SLC1A4: variants seen among roughly 807,000 people sequenced by gnomAD.
The protein encoded by SLC1A4 is solute carrier family 1 member 4.
Under a neutral mutation model 37.7 loss-of-function variants are expected in SLC1A4, and 19 were observed. The ratio of observed to expected loss-of-function variants is 0.50; its 90% CI spans 0.35 to 0.74. SLC1A4 has a LOEUF of 0.74. Ranked by LOEUF, SLC1A4 falls within the 30% of genes least tolerant of loss-of-function variation. The pLI is 0.01. For synonymous variants in SLC1A4, 299 were observed against 309.8 expected, an observed-to-expected ratio of 0.97 and a Z score of 0.37; for missense variants, 570 against 712.9, an observed-to-expected ratio of 0.80 and a Z score of 2.28.
intron 3 of SLC1A4, 24 bp from the exon 4 acceptor site, chr2:65,010,573 G>T: frequency 6.3e-7 from 1 of 1,579,578 alleles, no homozygotes; most frequent in Non-Finnish European, 8.6e-7. Context: ...TTGTAAACTT[G>T]TTCTATCCTC....
intron 1 of SLC1A4, among the ~76,000 whole-genome samples, chr2:64,996,831 T>C (rs1290180928): frequency 6.6e-6 from 1 of 152,162 alleles, no homozygotes; most frequent in East Asian, 1.9e-4. Context: ...TCCAGCTCAC[T>C]GTCTCTGATT....
intron 1 of SLC1A4, among the ~76,000 whole-genome samples, chr2:64,995,888 T>G (rs903502823): frequency 2.6e-5 from 4 of 152,178 alleles, no homozygotes; most frequent in African/African-American, 9.7e-5. Context: ...GAACAAACAG[T>G]ATCAGATGTT....
At chr2:65,009,150 G>A (rs539805141) in intron 3 of SLC1A4, among the ~76,000 whole-genome samples, 19 of 152,202 alleles carry the variant, frequency 1.2e-4, no homozygotes, top group African/African-American at 3.9e-4. Context: ...ACCTGAGGTC[G>A]GGAGTTCCAG....
intron 3 of SLC1A4, among the ~76,000 whole-genome samples, chr2:65,007,188 A>G (rs1673708386): frequency 6.6e-6 from 1 of 152,230 alleles, no homozygotes; most frequent in South Asian, 2.1e-4. Context: ...GGAGGGAATC[A>G]TGTAATAAAT....
At position 65,021,171 on chromosome 2, in the gene SLC1A4, G is replaced by A; in HGVS notation, c.*25G>A. ...ATGGGGCTGGGCTTTGGGCTTGCCT[G>A]CCAGCAGTGATGTCCCACCCTGTTC... On this transcript the variant is annotated 3_prime_UTR_variant, in exon 8 of 8. Transcript: ENST00000234256. 1 of 1,584,462 alleles carries A rather than the reference G, an allele frequency of 6.3e-7. No homozygotes were observed. Among genetic ancestry groups the A allele is most frequent in the South Asian group, 1.1e-5 (1 of 90,090 alleles).
rs531250194 is a variant in SLC1A4, at chr2:65,019,250, G to C, written c.1364+571G>C. 4.9e-4 allele frequency among the ~76,000 whole-genome samples: 74 copies of C among 152,300 alleles called. 1 individual carries two copies. The highest frequency in any genetic ancestry group is 1.6e-3 in the African/African-American group (66 of 41,570). ...TTGAGTCACATGATACCTTTTGCAGGCATGAATAATATCTATTTTATAGGG... is the reference window on the plus strand; with the variant it reads ...TTGAGTCACATGATACCTTTTGCAGCCATGAATAATATCTATTTTATAGGG... On this transcript the variant is annotated intron_variant, in intron 7 of 7. Transcript: ENST00000234256.
Position 64,989,788 on chromosome 2 carries a change from G to A in SLC1A4, c.145G>A (p.Val49Met). ...LRRQALVLLT[V>M]SGVLAGAGLG... ...GCGCCAAGCGCTGGTGCTGCTCACC[G>A]TGTCCGGGGTGCTGGCGGGCGCGGG... Residue 49 changes from valine to methionine, a missense_variant, in exon 1 of 8, where the codon GTG (valine) becomes ATG (methionine). Val to Met is a conservative substitution (Grantham distance 21). Coordinates refer to ENST00000234256, the MANE Select transcript of SLC1A4 (RefSeq NM_003038.5). The A allele has an allele frequency of 1.3e-6, 2 of 1,506,458 alleles. No individual in the cohort carries two copies. The highest frequency in any genetic ancestry group is 2.6e-5 in the East Asian group (1 of 38,856). 93.3% of individuals were successfully genotyped at this position (1,506,458 alleles called of 1,614,324 possible).
chr2:65,018,705 A>G lies in SLC1A4; in HGVS notation c.1364+26A>G, dbSNP rs1335993315. On this transcript the variant is annotated intron_variant, in intron 7 of 7. Coordinates refer to ENST00000234256, the MANE Select transcript of SLC1A4 (RefSeq NM_003038.5). This position sits in a 1 kb window ranked among gnomAD's most constrained non-coding sequence, Gnocchi z 4.3. The stretch of plus-strand genomic sequence containing the variant: ...GTAAGTAACAAGTCCTGAGAACACC[A>G]AAAAGAGTCTGCACTGAGTTCCCTA... 3 of 1,613,246 alleles carry G rather than the reference A, an allele frequency of 1.9e-6. No homozygotes were observed. Among genetic ancestry groups the G allele is most frequent in the Non-Finnish European group, 2.5e-6 (3 of 1,179,630 alleles).
chr2:65,009,160 G>C (rs1198090678), intron 3 of SLC1A4, among the ~76,000 whole-genome samples: 1 of 152,188 alleles, frequency 6.6e-6, no homozygotes, highest in African/African-American at 2.4e-5. Flanking sequence ...GGGAGTTCCA[G>C]ACCAGCCTGA....
intron 3 of SLC1A4, among the ~76,000 whole-genome samples, chr2:65,007,792 G>A (rs927183872): frequency 3.3e-5 from 5 of 152,186 alleles, no homozygotes; most frequent in South Asian, 2.1e-4. Context: ...AGTGTACTTG[G>A]GATGTCCATC....
rs1024959952 is a variant in SLC1A4, at chr2:64,989,410, G to A, written c.-234G>A. 9 of 379,598 alleles carry A rather than the reference G, an allele frequency of 2.4e-5. No homozygotes were observed. Among genetic ancestry groups the A allele is most frequent in the Non-Finnish European group, 3.7e-5 (8 of 214,974 alleles). The allele number at this position is 379,598 out of a possible 1,614,324, so 23.5% of individuals were successfully genotyped here. A position where few individuals can be genotyped will look rare whatever the true frequency, so the allele number is the denominator to read the frequency against. The stretch of plus-strand genomic sequence containing the variant: ...CTCCCGTTTGCATCATCTCCAGCCG[G>A]CGGCTGCTCCAGGGAGGCTGGGCGC... On this transcript the variant is annotated 5_prime_UTR_variant, in exon 1 of 8. Coordinates refer to ENST00000234256, the MANE Select transcript of SLC1A4 (RefSeq NM_003038.5).
At chr2:65,013,742 T>C (rs1344596599) in intron 4 of SLC1A4, among the ~76,000 whole-genome samples, 1 of 152,186 alleles carries the variant, frequency 6.6e-6, no homozygotes, top group African/African-American at 2.4e-5. Flanking sequence ...ATTGTCAGTA[T>C]TACCGCTTTC....
intron 3 of SLC1A4, among the ~76,000 whole-genome samples, chr2:65,008,872 C>G (rs986658419): frequency 6.6e-6 from 1 of 152,140 alleles, no homozygotes. Flanking sequence ...GTGACTATCT[C>G]CATTTTATAA....
At chr2:65,020,561 C>A (rs1029479044) in intron 7 of SLC1A4, among the ~76,000 whole-genome samples, 1 of 152,158 alleles carries the variant, frequency 6.6e-6, no homozygotes, top group African/African-American at 2.4e-5. Flanking sequence ...GCCACTGTGC[C>A]TGGCTTATGT....
rs371296746 is a variant in SLC1A4, at chr2:64,992,261, G to A, written c.527+2091G>A. Among the ~76,000 whole-genome samples, 5 of 152,286 alleles carry A rather than the reference G, an allele frequency of 3.3e-5. No individual in the cohort carries two copies. In the East Asian group the frequency reaches 5.8e-4, roughly 18 times the overall value. ...AGGATCTTTTAACTCCAGAAGAGGG[G>A]GCAGTGGTGGTAGGGGGTACCTCAT... On this transcript the variant is annotated intron_variant, in intron 1 of 7. Coordinates refer to ENST00000234256, the MANE Select transcript of SLC1A4 (RefSeq NM_003038.5).
At position 64,989,967 on chromosome 2, in the gene SLC1A4, C is replaced by T. The variant is rs1330107969; in HGVS notation, c.324C>T (p.Ser108=). The T allele has an allele frequency of 3.8e-6, 6 of 1,579,828 alleles. No individual in the cohort carries two copies. In the African/African-American group the frequency reaches 8.1e-5, roughly 21 times the overall value. ...LVSGAASLDA[S]CLGRLGGIAV... ...CGGGCGCCGCCTCGCTCGATGCCAGCTGCCTCGGGCGTCTGGGCGGCATCG... is the reference window on the plus strand; with the variant it reads ...CGGGCGCCGCCTCGCTCGATGCCAGTTGCCTCGGGCGTCTGGGCGGCATCG... Residue 108 remains serine (S), a synonymous_variant, in exon 1 of 8, where the codon AGC becomes AGT. Coordinates refer to ENST00000234256, the MANE Select transcript of SLC1A4 (RefSeq NM_003038.5).
At chr2:65,019,513 TG>T (rs1232207260) in intron 7 of SLC1A4, among the ~76,000 whole-genome samples, 1 of 152,118 alleles carries the variant, frequency 6.6e-6, no homozygotes, top group Non-Finnish European at 1.5e-5. Flanking sequence ...AATGAGCACG[TG>T]GTAAAACATT....
At chr2:64,998,062 T>C (rs1331991406) in intron 1 of SLC1A4, among the ~76,000 whole-genome samples, 1 of 151,994 alleles carries the variant, frequency 6.6e-6, no homozygotes, top group Non-Finnish European at 1.5e-5. Flanking sequence ...TGAAACCCCG[T>C]CTCTACTAAA....
chr2:64,997,464 C>A (rs1396180638), intron 1 of SLC1A4, among the ~76,000 whole-genome samples: 2 of 152,216 alleles, frequency 1.3e-5, no homozygotes, highest in Non-Finnish European at 2.9e-5. Context: ...CTCTTCTCAG[C>A]AATCCCCATT....
Sources: allele counts gnomAD v4.1 joint callset (sites outside exome capture counted in the v4.1 genomes callset), GRCh38; gene constraint gnomAD v4.1.1; non-coding constraint Gnocchi (gnomAD v3.1); transcripts MANE v1.5; gene names NCBI Gene and HGNC (gene_info 2026-07-23, HGNC 2026-07-21).